LUZP1: variants seen among roughly 807,000 people sequenced by gnomAD.
LUZP1 encodes filamin mechanobinding actin cross-linking protein.
A neutral mutation model predicts 71.3 loss-of-function variants in LUZP1; 25 were observed. The observed-to-expected ratio is 0.35, with a 90% CI of 0.26 to 0.49. The LOEUF is 0.49. Ranked by LOEUF, LUZP1 falls within the 20% of genes least tolerant of loss-of-function variation. The pLI is 0.99. For missense variants in LUZP1, 1,142 were observed against 1,300.8 expected (o/e 0.88, Z 1.88); for synonymous variants, 481 against 506.4 (o/e 0.95, Z 0.67).
chr1:23,152,455 G>A (rs1644391943), intron 2 of LUZP1, among the ~76,000 whole-genome samples: 1 of 151,978 alleles, frequency 6.6e-6, no homozygotes, highest in South Asian at 2.1e-4. Flanking sequence ...AGAATTTGAG[G>A]GCAAAAGAGA....
At chr1:23,161,597 A>C (rs1281266915) in intron 2 of LUZP1, among the ~76,000 whole-genome samples, 1 of 152,162 alleles carries the variant, frequency 6.6e-6, no homozygotes, top group Non-Finnish European at 1.5e-5. Flanking sequence ...CTAAAAATTA[A>C]ATAAAATAAG....
intron 2 of LUZP1, among the ~76,000 whole-genome samples, chr1:23,142,018 A>AT (rs1233619017): frequency 6.6e-6 from 1 of 151,590 alleles, no homozygotes; most frequent in African/African-American, 2.4e-5. Context: ...CTAATTTTGT[A>AT]TTTTTTTAGT....
chr1:23,138,688 T>C (rs1644275051), intron 2 of LUZP1, among the ~76,000 whole-genome samples: 1 of 106,292 alleles, frequency 9.4e-6, no homozygotes, highest in African/African-American at 5.7e-5. Context: ...TGTGTGTGTG[T>C]GTGTGTGTGT....
At chr1:23,147,099 A>AAATAATAAT (rs371398665) in intron 2 of LUZP1, among the ~76,000 whole-genome samples, 13,698 of 144,376 alleles carry the variant, frequency 0.095, 735 homozygotes, top group South Asian at 0.18. Flanking sequence ...TCCGTCTCAA[A>AAATAATAAT]AATAATAATA....
chr1:23,108,567 T>A (rs1644002887), intron 3 of LUZP1, among the ~76,000 whole-genome samples: 1 of 152,076 alleles, frequency 6.6e-6, no homozygotes, highest in South Asian at 2.1e-4. Flanking sequence ...GCCACCGCCC[T>A]CCAGCCTGGG....
chr1:23,098,634 G>C (rs1321743070), intron 3 of LUZP1, among the ~76,000 whole-genome samples: 1 of 152,150 alleles, frequency 6.6e-6, no homozygotes, highest in Non-Finnish European at 1.5e-5. Context: ...GTGACTCAGG[G>C]CGTCGACAGA....
At chr1:23,123,890 A>G (rs1364549417) in intron 2 of LUZP1, among the ~76,000 whole-genome samples, 1 of 152,214 alleles carries the variant, frequency 6.6e-6, no homozygotes, top group Non-Finnish European at 1.5e-5. Context: ...ATACTCATTA[A>G]TGTACTTTCT....
intron 2 of LUZP1, among the ~76,000 whole-genome samples, chr1:23,141,502 G>A (rs1462203383): frequency 6.6e-6 from 1 of 152,114 alleles, no homozygotes; most frequent in Non-Finnish European, 1.5e-5. Context: ...TGGTGTCCCT[G>A]GAGGGAGTGA....
chr1:23,122,368 T>G (rs1200403623), intron 2 of LUZP1, among the ~76,000 whole-genome samples: 1 of 152,182 alleles, frequency 6.6e-6, no homozygotes, highest in Non-Finnish European at 1.5e-5. Flanking sequence ...ACACTCTGGA[T>G]TCAAGCACCA....
rs546241070 is a variant in LUZP1, at chr1:23,110,918, G to A, written c.-225-1791C>T. Among the ~76,000 whole-genome samples the A allele has an allele frequency of 1.2e-4, 19 of 152,098 alleles. No individual in the cohort carries two copies. In the East Asian group the frequency reaches 1.5e-3, roughly 12 times the overall value. Reference sequence around the variant, plus strand: ...AAAGAGAAGAGTTACTGATAGTATCGGCCAGGCACGGTGACTCACGCCTGT... The same window carrying A: ...AAAGAGAAGAGTTACTGATAGTATCAGCCAGGCACGGTGACTCACGCCTGT... On this transcript the variant is annotated intron_variant, in intron 2 of 4. Transcript: ENST00000302291.
At chr1:23,163,514 A>G (rs1286107466) in intron 2 of LUZP1, among the ~76,000 whole-genome samples, 1 of 150,858 alleles carries the variant, frequency 6.6e-6, no homozygotes, top group Non-Finnish European at 1.5e-5. Context: ...TATGACTGCC[A>G]CTATACTCCA....
intron 3 of LUZP1, 129 bp downstream of exon 2, chr1:23,108,893 T>A (rs1017276424): frequency 6.6e-6 from 1 of 152,172 alleles, no homozygotes; most frequent in Non-Finnish European, 1.5e-5. Flanking sequence ...CAGCATAGTA[T>A]TTGGTTCATA....
At chr1:23,108,863 AGGTT>A (rs1644005815) in intron 3 of LUZP1, among the ~76,000 whole-genome samples, 155 bp downstream of exon 2, 1 of 152,176 alleles carries the variant, frequency 6.6e-6, no homozygotes, top group African/African-American at 2.4e-5. Flanking sequence ...CACCCTCATC[AGGTT>A]GGTTGGTTAA....
intron 2 of LUZP1, chr1:23,162,728 C>T (rs1288231237): frequency 6.6e-6 from 1 of 152,156 alleles, no homozygotes; most frequent in African/African-American, 2.4e-5. Context: ...AACACAAATA[C>T]TAAAATTGGA....
At chr1:23,163,327 G>A (rs144690196) in intron 2 of LUZP1, among the ~76,000 whole-genome samples, 4 of 149,112 alleles carry the variant, frequency 2.7e-5, no homozygotes, top group East Asian at 2.0e-4. Context: ...TGGGAGAATC[G>A]CTTGAGCCCA....
At chr1:23,166,177 G>C (rs1644508628) in intron 2 of LUZP1, among the ~76,000 whole-genome samples, 4 of 152,124 alleles carry the variant, frequency 2.6e-5, no homozygotes, top group African/African-American at 9.7e-5. Flanking sequence ...CAGTCACCCA[G>C]TGGCTGAGTC....
chr1:23,111,154 C>T (rs904032011), intron 2 of LUZP1, among the ~76,000 whole-genome samples: 4 of 144,386 alleles, frequency 2.8e-5, no homozygotes, highest in East Asian at 2.0e-4. Flanking sequence ...GAGCCCAGAT[C>T]GCGCCACTGC....
rs541143124 is a variant in LUZP1, at chr1:23,092,975, C to T, written c.1287G>A (p.Arg429=). The change falls in exon 4 of 5, where the codon AGG becomes AGA. Residue 429 remains arginine (R), a synonymous_variant. Coordinates refer to ENST00000302291, the Ensembl canonical transcript of LUZP1. ...CCATGTGAGAAGCTTTTGCTGCCCT[C>T]CTGTTGGTGAAACTGGGAGAAGAAA... 35 of 1,614,152 alleles carry T rather than the reference C, an allele frequency of 2.2e-5. No individual in the cohort carries two copies. In the South Asian group the frequency reaches 3.7e-4, roughly 17 times the overall value.
chr1:23,130,620 T>A, intron 2 of LUZP1, among the ~76,000 whole-genome samples: 1 of 150,364 alleles, frequency 6.7e-6, no homozygotes, highest in African/African-American at 2.5e-5. Flanking sequence ...CACCTCAGCC[T>A]GGCAAAGTGC....
Sources: gnomAD v4.1 joint callset for allele counts (sites outside exome capture counted in the v4.1 genomes callset) on GRCh38, gnomAD v4.1.1 for gene constraint, MANE v1.5 for transcripts, NCBI Gene and HGNC (gene_info 2026-07-23, HGNC 2026-07-21) for gene names.